Variants in ZC3H3 observed in about 807,000 individuals in gnomAD.
The protein encoded by ZC3H3 is zinc finger CCCH-type containing 3.
Under a neutral mutation model 77.3 loss-of-function variants are expected in ZC3H3, and 36 were observed. The ratio of observed to expected loss-of-function variants is 0.47; its 90% CI spans 0.36 to 0.61. ZC3H3 has a LOEUF of 0.61. Ranked by LOEUF, ZC3H3 falls within the 20% of genes least tolerant of loss-of-function variation. ZC3H3 has a pLI of 0.00. For missense variants in ZC3H3, 1,331 were observed against 1,312.2 expected, an observed-to-expected ratio of 1.01 and a Z score of -0.22; for synonymous variants, 626 against 555.2, an observed-to-expected ratio of 1.13 and a Z score of -1.79.
At chr8:143,540,810 GCCAGGCGTTCTGGCGCCTA>G (rs1822986438) in intron 1 of ZC3H3, among the ~76,000 whole-genome samples, 1 of 152,146 alleles carries the variant, frequency 6.6e-6, no homozygotes, top group Non-Finnish European at 1.5e-5. Context: ...ACAAAAATTA[GCCAGGCGTTCTGGCGCCTA>G]CCTGTAATCC....
intron 4 of ZC3H3, among the ~76,000 whole-genome samples, chr8:143,486,241 T>C (rs1196851828): frequency 2.0e-5 from 3 of 152,252 alleles, no homozygotes; most frequent in Admixed American, 6.5e-5. Context: ...CGCGGCAATG[T>C]AGCGGAGTGA....
intron 3 of ZC3H3, among the ~76,000 whole-genome samples, chr8:143,534,819 C>T (rs576034953): frequency 6.6e-6 from 1 of 152,244 alleles, no homozygotes; most frequent in South Asian, 2.1e-4. Flanking sequence ...CATGTCCTGG[C>T]GTGCAGCAGG....
chr8:143,479,903 GT>G (rs1820861726), intron 4 of ZC3H3, among the ~76,000 whole-genome samples: 1 of 152,368 alleles, frequency 6.6e-6, no homozygotes, highest in African/African-American at 2.4e-5. Context: ...TGAAGAAGCT[GT>G]CTGTGCAGTA....
intron 3 of ZC3H3, among the ~76,000 whole-genome samples, chr8:143,511,626 G>C (rs1869441): frequency 0.5 from 75,904 of 151,850 alleles, 19,289 homozygotes; most frequent in East Asian, 0.68. Context: ...TGATGGGAGG[G>C]TCCATCAGGG....
intron 3 of ZC3H3, among the ~76,000 whole-genome samples, chr8:143,521,742 TCA>T (rs2130467383): frequency 6.6e-6 from 1 of 152,306 alleles, no homozygotes; most frequent in East Asian, 1.9e-4. Flanking sequence ...CCTGGGGCTC[TCA>T]GAGTCTGGGG....
chr8:143,505,469 G>A (rs1443913631), intron 4 of ZC3H3, among the ~76,000 whole-genome samples: 3 of 152,180 alleles, frequency 2.0e-5, no homozygotes, highest in Admixed American at 6.5e-5. Context: ...GACGCAGGTG[G>A]CAGGTGACCC....
chr8:143,444,795 C>G (rs934870303), intron 9 of ZC3H3, among the ~76,000 whole-genome samples: 1 of 152,184 alleles, frequency 6.6e-6, no homozygotes, highest in East Asian at 1.9e-4. Context: ...AGCCCACTAT[C>G]ATCACCAGTC....
intron 11 of ZC3H3, among the ~76,000 whole-genome samples, chr8:143,438,836 G>A (rs931264751): frequency 2.0e-5 from 3 of 152,236 alleles, no homozygotes; most frequent in Middle Eastern, 3.2e-3. Context: ...CCCATGCACA[G>A]CTGAGTCGGG....
intron 10 of ZC3H3, 107 bp from the exon 11 acceptor site, chr8:143,440,470 G>A: frequency 3.5e-6 from 5 of 1,442,518 alleles, no homozygotes; most frequent in Non-Finnish European, 4.5e-6. Context: ...GCCCTCCGTG[G>A]TCTCAGGGCA....
At chr8:143,511,638 G>C (rs1821873920) in intron 3 of ZC3H3, among the ~76,000 whole-genome samples, 1 of 152,132 alleles carries the variant, frequency 6.6e-6, no homozygotes, top group African/African-American at 2.4e-5. Flanking sequence ...CCATCAGGGA[G>C]GGTCTCGCCC....
chr8:143,441,252 C>G, intron 9 of ZC3H3, 132 bp from the exon 10 acceptor site: 1 of 966,390 alleles, frequency 1.0e-6, no homozygotes, highest in Non-Finnish European at 1.4e-6. Context: ...GTCTTGGGGC[C>G]AAAGGCTTCC....
intron 5 of ZC3H3, among the ~76,000 whole-genome samples, chr8:143,470,791 G>A (rs1318404214): frequency 2.6e-5 from 4 of 152,240 alleles, no homozygotes; most frequent in Non-Finnish European, 4.4e-5. Flanking sequence ...GCTTTGCAGT[G>A]TTAAAAAATG....
intron 1 of ZC3H3, among the ~76,000 whole-genome samples, chr8:143,540,069 T>C (rs1165084535): frequency 6.6e-6 from 1 of 152,234 alleles, no homozygotes; most frequent in Non-Finnish European, 1.5e-5. Context: ...CCAGACGTGT[T>C]GACGCCCCAG....
At chr8:143,457,359 G>A (rs895238730) in intron 9 of ZC3H3, among the ~76,000 whole-genome samples, 1 of 152,134 alleles carries the variant, frequency 6.6e-6, no homozygotes, top group Non-Finnish European at 1.5e-5. Flanking sequence ...TTTCTCTTCA[G>A]ATCATATGAC....
chr8:143,536,452 G>A lies in ZC3H3; in HGVS notation c.1366C>T (p.Leu456Phe), dbSNP rs1204876267. 4.7e-6 allele frequency: 7 copies of A among 1,499,556 alleles called. No homozygotes were observed. The highest frequency in any genetic ancestry group is 2.5e-5 in the East Asian group (1 of 40,354). The allele number at this position is 1,499,556 out of a possible 1,614,324, so 92.9% of individuals were successfully genotyped here. The part of the protein sequence containing the change: ...KIIRRRSSTS[L>F]PGDKKSGTSP... Reference sequence around the variant, plus strand: ...GTGCCGCTTTTCTTGTCTCCAGGAAGGCTGTGGAGACAAAATACAGGCAGC... The same window carrying A: ...GTGCCGCTTTTCTTGTCTCCAGGAAAGCTGTGGAGACAAAATACAGGCAGC... The change falls in exon 3 of 12, where the codon CTT (leucine) becomes TTT (phenylalanine). Residue 456 changes from leucine to phenylalanine, a missense_variant and splice_region_variant. Coordinates refer to ENST00000262577, the MANE Select transcript of ZC3H3 (RefSeq NM_015117.3).
At chr8:143,514,409 C>G (rs1251141099) in intron 3 of ZC3H3, among the ~76,000 whole-genome samples, 2 of 152,216 alleles carry the variant, frequency 1.3e-5, no homozygotes, top group Non-Finnish European at 2.9e-5. Flanking sequence ...ATTGGCCCAC[C>G]CAGGGCCTGC....
chr8:143,533,140 A>AC lies in ZC3H3; in HGVS notation c.1561+3116dup, dbSNP rs1270804463. 2.0e-5 allele frequency among the ~76,000 whole-genome samples: 3 copies of AC among 149,410 alleles called. No individual in the cohort carries two copies. The highest frequency in any genetic ancestry group is 4.5e-5 in the Non-Finnish European group (3 of 67,196). On this transcript the variant is annotated intron_variant, in intron 3 of 11. Transcript: ENST00000262577. The surrounding 1 kb of genome is among the most constrained non-coding windows in gnomAD (Gnocchi z 4.0). ...TGGCTTCCCAACGTAACCAGAACCAACCCCCCGTTCCCTCCTGTGGCCTAC... is the reference window on the plus strand; with the variant it reads ...TGGCTTCCCAACGTAACCAGAACCAACCCCCCCGTTCCCTCCTGTGGCCTAC...
In ZC3H3 at chr8:143,530,410, C is replaced by T. The variant is rs771325154; in HGVS notation, c.1561+5847G>A. Among the ~76,000 whole-genome samples the T allele has an allele frequency of 3.6e-4, 55 of 152,174 alleles. No individual in the cohort carries two copies. Among genetic ancestry groups the T allele is most frequent in the Non-Finnish European group, 6.9e-4 (47 of 68,030 alleles). On this transcript the variant is annotated intron_variant, in intron 3 of 11. Coordinates refer to ENST00000262577, the MANE Select transcript of ZC3H3 (RefSeq NM_015117.3). The surrounding 1 kb of genome is among the most constrained non-coding windows in gnomAD (Gnocchi z 4.3). ...ACTCCAGCAGATGACGACACCACTG[C>T]CTACCCACCTACCATGACTTTTCCC... is the stretch of plus-strand genomic sequence containing the variant.
chr8:143,509,766 G>A (rs1821815565), intron 3 of ZC3H3, among the ~76,000 whole-genome samples: 2 of 152,224 alleles, frequency 1.3e-5, no homozygotes, highest in African/African-American at 4.8e-5. Context: ...CCACCCTCGG[G>A]CCCCGGGGGT....
Sources: gnomAD v4.1 joint callset for allele counts (sites outside exome capture counted in the v4.1 genomes callset) on GRCh38, gnomAD v4.1.1 for gene constraint, Gnocchi (gnomAD v3.1) non-coding constraint, MANE v1.5 for transcripts, NCBI Gene and HGNC (gene_info 2026-07-23, HGNC 2026-07-21) for gene names.